The following KCNH5 variants were observed in gnomAD, a reference collection of about 807,000 sequenced individuals.
KCNH5 encodes the protein voltage-gated delayed rectifier potassium channel KCNH5.
KCNH5 carries 46 observed loss-of-function variants against 96.1 expected under a neutral mutation model. The ratio of observed to expected loss-of-function variants is 0.48; its 90% CI spans 0.38 to 0.61. The LOEUF is 0.61. KCNH5 is among the 20% of genes least tolerant of loss of function. The pLI, the probability that KCNH5 is intolerant of heterozygous loss-of-function variation, is 0.00. For missense variants in KCNH5, 907 were observed against 1,225.8 expected (o/e 0.74, Z 3.88); for synonymous variants, 439 against 449.8 (o/e 0.98, Z 0.30).
intron 9 of KCNH5, among the ~76,000 whole-genome samples, chr14:62,795,062 C>T (rs911063922): frequency 2.0e-5 from 3 of 152,036 alleles, no homozygotes; most frequent in Non-Finnish European, 2.9e-5. Context: ...CACAGTTTCC[C>T]CCTCAATTAT....
intron 1 of KCNH5, among the ~76,000 whole-genome samples, chr14:63,043,790 C>T (rs1016297574): frequency 6.6e-6 from 1 of 152,268 alleles, no homozygotes; most frequent in African/African-American, 2.4e-5. Context: ...CAAGCCTAGT[C>T]TTAAAAGAGA....
At chr14:62,978,586 CAAA>C (rs529221170) in intron 6 of KCNH5, among the ~76,000 whole-genome samples, 5 of 80,680 alleles carry the variant, frequency 6.2e-5, no homozygotes, top group Admixed American at 1.4e-4. Flanking sequence ...GACTCCGTCT[CAAA>C]AAAAAAAAAA....
Position 62,717,193 on chromosome 14 carries a change from C to T in KCNH5, c.2020-8738G>A, listed in dbSNP as rs1195000032. 2.0e-5 allele frequency among the ~76,000 whole-genome samples: 3 copies of T among 152,098 alleles called. No homozygotes were observed. The East Asian group carries it at 5.8e-4, about 29-fold the overall frequency. ...GTTTACATATTAGAAAACAATATTG[C>T]TAACATGGCAATACTACCCAAGTTA... On this transcript the variant is annotated intron_variant, in intron 10 of 10. Coordinates refer to ENST00000322893, the MANE Select transcript of KCNH5 (RefSeq NM_139318.5).
chr14:63,040,700 G>A (rs373726142), intron 1 of KCNH5, among the ~76,000 whole-genome samples: 3 of 151,120 alleles, frequency 2.0e-5, no homozygotes, highest in African/African-American at 7.3e-5. Context: ...TTTTTGTTTT[G>A]TTTACAGATC....
At chr14:63,019,173 C>T (rs2139610174) in intron 1 of KCNH5, among the ~76,000 whole-genome samples, 1 of 151,598 alleles carries the variant, frequency 6.6e-6, no homozygotes, top group Non-Finnish European at 1.5e-5. Context: ...AGAATGAAAA[C>T]TAGCAACTCA....
chr14:63,014,351 G>A (rs1388000147), intron 2 of KCNH5, among the ~76,000 whole-genome samples: 1 of 152,108 alleles, frequency 6.6e-6, no homozygotes, highest in Non-Finnish European at 1.5e-5. Context: ...ACTGACATAA[G>A]ACACTGTCTT....
chr14:62,717,887 T>C (rs1445351379), intron 10 of KCNH5, among the ~76,000 whole-genome samples: 1 of 152,172 alleles, frequency 6.6e-6, no homozygotes, highest in Non-Finnish European at 1.5e-5. Context: ...GCAAATAATA[T>C]ATCTGGTTGC....
intron 10 of KCNH5, among the ~76,000 whole-genome samples, chr14:62,735,568 T>A (rs1885138570): frequency 6.6e-6 from 1 of 152,140 alleles, no homozygotes; most frequent in Non-Finnish European, 1.5e-5. Context: ...ATCTAGTACT[T>A]ATTGGAATTT....
chr14:62,789,179 A>G lies in KCNH5; in HGVS notation c.1823-9255T>C, dbSNP rs963124117. 2.0e-4 allele frequency among the ~76,000 whole-genome samples: 30 copies of G among 152,012 alleles called. 1 individual carries two copies. Among genetic ancestry groups the G allele is most frequent in the Non-Finnish European group, 4.3e-4 (29 of 67,934 alleles). ...TTCTACATATAAGTGAGATCATGCA[A>G]TATATTATTTATGTGTCTGGTTTAT... On this transcript the variant is annotated intron_variant, in intron 9 of 10. Transcript: ENST00000322893.
At position 63,045,113 on chromosome 14, in the gene KCNH5, C is replaced by T. The variant is rs1566552673; in HGVS notation, c.73+1G>A. The T allele has an allele frequency of 6.2e-7, 1 of 1,613,090 alleles. No individual in the cohort carries two copies. Among genetic ancestry groups the T allele is most frequent in the South Asian group, 1.1e-5 (1 of 91,048 alleles). On this transcript the variant is annotated splice_donor_variant, in intron 1 of 10. Coordinates refer to ENST00000322893, the MANE Select transcript of KCNH5 (RefSeq NM_139318.5). LOFTEE classifies it high-confidence loss of function. ...GTGTTCTGAACTACAACTCTCCTTA[C>T]CACTGGAGCGCCTGACGATGTTCTC... is the stretch of plus-strand genomic sequence containing the variant.
At chr14:62,953,809 C>T (rs1890051127) in intron 6 of KCNH5, among the ~76,000 whole-genome samples, 1 of 152,132 alleles carries the variant, frequency 6.6e-6, no homozygotes, top group Admixed American at 6.6e-5. Flanking sequence ...ACAGGAACTG[C>T]CTCTCCATCA....
chr14:62,944,311 C>T (rs1282387170), intron 7 of KCNH5, among the ~76,000 whole-genome samples: 1 of 152,112 alleles, frequency 6.6e-6, no homozygotes, highest in Non-Finnish European at 1.5e-5. Flanking sequence ...TTTTTCTCAA[C>T]AGAATATAGG....
At chr14:62,718,693 G>A (rs1302554919) in intron 10 of KCNH5, among the ~76,000 whole-genome samples, 2 of 152,148 alleles carry the variant, frequency 1.3e-5, no homozygotes, top group Admixed American at 1.3e-4. Context: ...ATATGACCCA[G>A]CAATTCTACT....
At chr14:62,910,899 CCACACACACACACACACA>C (rs1555363113) in intron 7 of KCNH5, among the ~76,000 whole-genome samples, 5 of 140,364 alleles carry the variant, frequency 3.6e-5, no homozygotes, top group Non-Finnish European at 6.1e-5. Context: ...TGTGCATACA[CCACACACACACACACACA>C]CACACACACA....
chr14:62,939,803 G>A (rs1054753091), intron 7 of KCNH5, among the ~76,000 whole-genome samples: 5 of 151,980 alleles, frequency 3.3e-5, no homozygotes, highest in African/African-American at 1.2e-4. Context: ...AGCCAGACGT[G>A]GTGGTGCATG....
intron 7 of KCNH5, among the ~76,000 whole-genome samples, chr14:62,885,456 A>C (rs1177568486): frequency 6.6e-6 from 1 of 152,234 alleles, no homozygotes; most frequent in East Asian, 1.9e-4. Flanking sequence ...CATGTTCTTT[A>C]TTTACATGAT....
chr14:62,757,793 G>T (rs1461870500), intron 10 of KCNH5, among the ~76,000 whole-genome samples: 1 of 152,104 alleles, frequency 6.6e-6, no homozygotes, highest in Non-Finnish European at 1.5e-5. Flanking sequence ...GATGTTACCA[G>T]AGGCTGGAAT....
chr14:62,966,677 T>C (rs1449907483), intron 6 of KCNH5, among the ~76,000 whole-genome samples: 2 of 152,196 alleles, frequency 1.3e-5, no homozygotes, highest in Non-Finnish European at 1.5e-5. Flanking sequence ...TACACGAACT[T>C]TGCAAAGACC....
chr14:62,720,459 G>T (rs1884784363), intron 10 of KCNH5, among the ~76,000 whole-genome samples: 1 of 152,102 alleles, frequency 6.6e-6, no homozygotes, highest in African/African-American at 2.4e-5. Flanking sequence ...GCGGACACCT[G>T]TAAGTCCCAG....
Sources: allele counts gnomAD v4.1 joint callset (sites outside exome capture counted in the v4.1 genomes callset), GRCh38; gene constraint gnomAD v4.1.1; transcripts MANE v1.5; gene names NCBI Gene and HGNC (gene_info 2026-07-23, HGNC 2026-07-21).